IL1RAPL1: variants seen among roughly 807,000 people sequenced by gnomAD.
The protein encoded by IL1RAPL1 is interleukin-1 receptor accessory protein-like 1.
Under a neutral mutation model 48.4 loss-of-function variants are expected in IL1RAPL1, and 3 were observed. The ratio of observed to expected loss-of-function variants is 0.06; its 90% CI spans 0.03 to 0.16. IL1RAPL1 has a LOEUF of 0.16. Ranked by LOEUF, IL1RAPL1 falls within the 10% of genes least tolerant of loss-of-function variation. The pLI, the probability that IL1RAPL1 is intolerant of heterozygous loss-of-function variation, is 1.00. For synonymous variants in IL1RAPL1, 185 were observed against 187.7 expected (o/e 0.99, Z 0.12); for missense variants, 349 against 530.6 (o/e 0.66, Z 3.36).
At chrX:29,404,273 T>C (rs2147692249) in intron 5 of IL1RAPL1, among the ~76,000 whole-genome samples, 1 of 112,235 alleles carries the variant, frequency 8.9e-6, no homozygotes, top group South Asian at 3.7e-4. Context: ...ACCATAACTA[T>C]AGTTTTGCTT....
intron 5 of IL1RAPL1, among the ~76,000 whole-genome samples, chrX:29,624,433 A>C (rs1924557616): frequency 8.9e-6 from 1 of 112,679 alleles, no homozygotes; most frequent in Non-Finnish European, 1.9e-5. Context: ...TAAGTAAATC[A>C]ACATTAAAAA....
At chrX:28,601,572 A>G (rs1288869603) in intron 1 of IL1RAPL1, among the ~76,000 whole-genome samples, 1 of 111,508 alleles carries the variant, frequency 9.0e-6, no homozygotes, top group Non-Finnish European at 1.9e-5. Context: ...GGTCAACTCA[A>G]TTCAGTTCAA....
At chrX:29,517,479 G>A (rs919601506) in intron 5 of IL1RAPL1, among the ~76,000 whole-genome samples, 3 of 110,915 alleles carry the variant, frequency 2.7e-5, no homozygotes, top group East Asian at 2.8e-4. Flanking sequence ...TCACTGAAGC[G>A]GTGATGATTT....
At chrX:28,907,684 ATATT>A (rs1348177125) in intron 2 of IL1RAPL1, among the ~76,000 whole-genome samples, 1 of 112,654 alleles carries the variant, frequency 8.9e-6, no homozygotes, top group East Asian at 2.8e-4. Flanking sequence ...TTATGCATAT[ATATT>A]TATGAGAGAT....
intron 6 of IL1RAPL1, among the ~76,000 whole-genome samples, chrX:29,692,379 G>A (rs1266072882): frequency 9.0e-6 from 1 of 111,162 alleles, no homozygotes; most frequent in Non-Finnish European, 1.9e-5. Flanking sequence ...TTTGGCTCCC[G>A]TGCTATCTGC....
chrX:29,571,480 A>T (rs889253735), intron 5 of IL1RAPL1, among the ~76,000 whole-genome samples: 1 of 111,230 alleles, frequency 9.0e-6, no homozygotes, highest in Admixed American at 9.6e-5. Context: ...AGAACATTTG[A>T]TATTAAAGAA....
chrX:28,907,661 G>A (rs774529945), intron 2 of IL1RAPL1, among the ~76,000 whole-genome samples: 16 of 112,442 alleles, frequency 1.4e-4, no homozygotes, highest in Admixed American at 8.5e-4. Flanking sequence ...TTATTTAATA[G>A]TTCATTGAAG....
At chrX:28,785,601 A>G (rs182516184) in intron 1 of IL1RAPL1, among the ~76,000 whole-genome samples, 5 of 111,836 alleles carry the variant, frequency 4.5e-5, no homozygotes, top group African/African-American at 1.6e-4. Flanking sequence ...TGTAAGCCCC[A>G]GGGTGGATAA....
At chrX:29,936,783 T>C (rs760747544) in intron 8 of IL1RAPL1, among the ~76,000 whole-genome samples, 2 of 111,943 alleles carry the variant, frequency 1.8e-5, no homozygotes, top group South Asian at 7.5e-4. Context: ...TTATTTGCAA[T>C]GTAATTCAAT....
chrX:28,704,421 A>AAC (rs71703533), intron 1 of IL1RAPL1, among the ~76,000 whole-genome samples: 2,406 of 89,482 alleles, frequency 0.027, 58 homozygotes, highest in East Asian at 0.14. Context: ...AAAACACACA[A>AAC]ACACACACAC....
chrX:29,276,301 A>C (rs1932117989), intron 2 of IL1RAPL1, among the ~76,000 whole-genome samples: 1 of 112,206 alleles, frequency 8.9e-6, no homozygotes, highest in Non-Finnish European at 1.9e-5. Context: ...GGAGACATAC[A>C]TGAGCTAAAT....
intron 5 of IL1RAPL1, among the ~76,000 whole-genome samples, chrX:29,418,114 TA>T (rs1228536460): frequency 0.037 from 1,894 of 50,807 alleles, 69 homozygotes; most frequent in African/African-American, 0.057. Flanking sequence ...TATATATATA[TA>T]TATATATATA....
chrX:29,152,622 ATAACAACTTGTGATTGTCTGAAAATG>A (rs1445677181), intron 2 of IL1RAPL1, among the ~76,000 whole-genome samples: 1 of 112,437 alleles, frequency 8.9e-6, no homozygotes, highest in South Asian at 3.7e-4. Context: ...GTCTGACAAC[ATAACAACTTGTGATTGTCTGAAAATG>A]TAACAACTTG....
intron 2 of IL1RAPL1, among the ~76,000 whole-genome samples, chrX:28,837,825 A>G (rs1360822129): frequency 9.6e-6 from 1 of 104,260 alleles, no homozygotes; most frequent in Non-Finnish European, 2.0e-5. Context: ...TCCCTCACCC[A>G]CATAGCAATA....
chrX:29,557,110 T>C (rs1922028525), intron 5 of IL1RAPL1, among the ~76,000 whole-genome samples: 1 of 111,974 alleles, frequency 8.9e-6, no homozygotes, highest in Admixed American at 9.5e-5. Flanking sequence ...AAGAAACATG[T>C]TGTGTATGCG....
chrX:29,547,977 A>G (rs902481829), intron 5 of IL1RAPL1, among the ~76,000 whole-genome samples: 1 of 112,566 alleles, frequency 8.9e-6, no homozygotes, highest in African/African-American at 3.2e-5. Context: ...ATTTCAGGAT[A>G]AAAAATAGAA....
chrX:29,588,837 C>T (rs1433464435), intron 5 of IL1RAPL1, among the ~76,000 whole-genome samples: 3 of 111,994 alleles, frequency 2.7e-5, no homozygotes, highest in Non-Finnish European at 3.8e-5. Flanking sequence ...TTAAAACATA[C>T]ATAATTCAAT....
intron 4 of IL1RAPL1, among the ~76,000 whole-genome samples, chrX:29,397,113 TAAAAG>T (rs1240857497): frequency 8.9e-6 from 1 of 112,328 alleles, no homozygotes; most frequent in Non-Finnish European, 1.9e-5. Context: ...GTTTATACAA[TAAAAG>T]AAATTTTTGT....
At chrX:29,714,177 T>A (rs1403995895) in intron 6 of IL1RAPL1, among the ~76,000 whole-genome samples, 1 of 111,922 alleles carries the variant, frequency 8.9e-6, no homozygotes, top group Non-Finnish European at 1.9e-5. Flanking sequence ...ATCTGCATCT[T>A]AATTACTGAA....
Sources: allele counts gnomAD v4.1 joint callset (sites outside exome capture counted in the v4.1 genomes callset), GRCh38; gene constraint gnomAD v4.1.1; transcripts MANE v1.5; gene names NCBI Gene and HGNC (gene_info 2026-07-23, HGNC 2026-07-21).